Variants in HDAC8 observed in about 807,000 individuals in gnomAD.
The protein encoded by HDAC8 is histone deacetylase 8.
Under a neutral mutation model 32.2 loss-of-function variants are expected in HDAC8, and 1 was observed. The ratio of observed to expected loss-of-function variants is 0.03; its 90% CI spans 0.01 to 0.15. HDAC8 has a LOEUF of 0.15. HDAC8 is among the 10% of genes least tolerant of loss of function. The probability of loss-of-function intolerance (pLI) is 1.00; values close to 1 mark genes in which losing one functional copy is unlikely to be tolerated. For missense variants in HDAC8, 117 were observed against 300.0 expected, an observed-to-expected ratio of 0.39 and a Z score of 4.51; for synonymous variants, 108 against 113.9, an observed-to-expected ratio of 0.95 and a Z score of 0.33.
intron 6 of HDAC8, 135 bp from the exon 7 acceptor site, chrX:72,489,176 A>G: frequency 2.1e-6 from 1 of 478,476 alleles, no homozygotes. Flanking sequence ...ATTGTAAACA[A>G]TCTTGGAGAA....
At chrX:72,475,088 G>A in intron 7 of HDAC8, among the ~76,000 whole-genome samples, 1 of 110,960 alleles carries the variant, frequency 9.0e-6, no homozygotes, top group Non-Finnish European at 1.9e-5. Flanking sequence ...GCTCCCAGAA[G>A]GTTTAGTCTC....
intron 9 of HDAC8, among the ~76,000 whole-genome samples, chrX:72,353,999 C>G (rs948604650): frequency 8.9e-6 from 1 of 111,984 alleles, no homozygotes; most frequent in South Asian, 3.7e-4. Context: ...CTATTATGCA[C>G]TTACCCTCAC....
At chrX:72,345,974 C>T (rs1322138068) in intron 10 of HDAC8, among the ~76,000 whole-genome samples, 1 of 111,922 alleles carries the variant, frequency 8.9e-6, no homozygotes, top group African/African-American at 3.2e-5. Context: ...CGAGCCATGG[C>T]GCCCGGCCCA....
At chrX:72,491,172 C>T (rs1556009462) in intron 5 of HDAC8, among the ~76,000 whole-genome samples, 166 bp from the exon 6 acceptor site, 1 of 111,863 alleles carries the variant, frequency 8.9e-6, no homozygotes, top group African/African-American at 3.2e-5. Flanking sequence ...GGTCTCTAAT[C>T]TCGTAATTAC....
intron 4 of HDAC8, among the ~76,000 whole-genome samples, chrX:72,497,401 A>AT (rs2049061746): frequency 9.0e-6 from 1 of 111,711 alleles, no homozygotes; most frequent in Admixed American, 9.5e-5. Context: ...AACGTTCAAG[A>AT]TTTTCAATAT....
At chrX:72,459,479 TG>T (rs1432570575) in intron 9 of HDAC8, among the ~76,000 whole-genome samples, 1 of 109,932 alleles carries the variant, frequency 9.1e-6, no homozygotes, top group Non-Finnish European at 1.9e-5. Context: ...GCGAAGAGAG[TG>T]AGGTCAGCCC....
intron 9 of HDAC8, among the ~76,000 whole-genome samples, chrX:72,396,165 A>T: frequency 8.9e-6 from 1 of 112,160 alleles, no homozygotes; most frequent in African/African-American, 3.2e-5. Context: ...CCACCCTCTC[A>T]CTTCCCACCT....
intron 10 of HDAC8, among the ~76,000 whole-genome samples, chrX:72,347,771 C>G (rs3788789): frequency 0.048 from 5,348 of 111,944 alleles, 247 homozygotes; most frequent in East Asian, 0.18. Context: ...AGCAAATGAA[C>G]ATGGTGCAAG....
chrX:72,410,515 G>C (rs2046161293), intron 9 of HDAC8, among the ~76,000 whole-genome samples: 1 of 111,841 alleles, frequency 8.9e-6, no homozygotes, highest in Admixed American at 9.4e-5. Context: ...ATCAGTGGTT[G>C]GGAAATCAGC....
chrX:72,336,979 G>A (rs1297874374), intron 10 of HDAC8, among the ~76,000 whole-genome samples: 1 of 111,323 alleles, frequency 9.0e-6, no homozygotes, highest in Non-Finnish European at 1.9e-5. Context: ...CAAACTCCTG[G>A]ACTCAATCGA....
At chrX:72,330,642 T>C (rs1005370581) in intron 10 of HDAC8, among the ~76,000 whole-genome samples, 1 of 110,993 alleles carries the variant, frequency 9.0e-6, no homozygotes, top group Non-Finnish European at 1.9e-5. Context: ...GGAAAAGTGA[T>C]CATTTGAAAT....
intron 9 of HDAC8, among the ~76,000 whole-genome samples, chrX:72,417,054 C>G (rs1229934364): frequency 9.0e-6 from 1 of 111,143 alleles, no homozygotes; most frequent in African/African-American, 3.3e-5. Context: ...TTTAAGTGTA[C>G]AATTCAGTGA....
chrX:72,419,049 G>A (rs946820416), intron 9 of HDAC8, among the ~76,000 whole-genome samples: 5 of 111,545 alleles, frequency 4.5e-5, no homozygotes, highest in African/African-American at 1.3e-4. Flanking sequence ...TTTGTATTAC[G>A]TTTTGAAATT....
intron 4 of HDAC8, among the ~76,000 whole-genome samples, chrX:72,521,699 TTTTCTCTCTA>T (rs1556028838): frequency 9.0e-6 from 1 of 111,703 alleles, no homozygotes; most frequent in African/African-American, 3.3e-5. Context: ...ATAATTCTTC[TTTTCTCTCTA>T]TCTGTCTCTG....
At chrX:72,450,135 G>A (rs1432127637) in intron 9 of HDAC8, among the ~76,000 whole-genome samples, 2 of 111,854 alleles carry the variant, frequency 1.8e-5, no homozygotes, top group Non-Finnish European at 3.8e-5. Context: ...TTATCCTGAG[G>A]GCAAAATCCA....
chrX:72,425,229 A>G (rs1852376885), intron 9 of HDAC8, among the ~76,000 whole-genome samples: 1 of 112,286 alleles, frequency 8.9e-6, no homozygotes, highest in South Asian at 3.7e-4. Flanking sequence ...CCATTTTTTA[A>G]TAATAGACAA....
At chrX:72,349,844 T>C (rs1399031113) in intron 10 of HDAC8, among the ~76,000 whole-genome samples, 1 of 111,604 alleles carries the variant, frequency 9.0e-6, no homozygotes, top group Non-Finnish European at 1.9e-5. Context: ...TCTGCACATA[T>C]GGAGGTGTGA....
chrX:72,504,756 A>C (rs1332635182), intron 4 of HDAC8, among the ~76,000 whole-genome samples: 1 of 112,138 alleles, frequency 8.9e-6, no homozygotes, highest in Non-Finnish European at 1.9e-5. Context: ...TCTATGTTTA[A>C]CTTTTGAGGA....
At chrX:72,471,300 T>C (rs944466716) in intron 7 of HDAC8, among the ~76,000 whole-genome samples, 4 of 112,547 alleles carry the variant, frequency 3.6e-5, no homozygotes, top group Non-Finnish European at 7.5e-5. Context: ...ACTACAGATA[T>C]ACATGTACAA....
Sources: allele counts gnomAD v4.1 joint callset (sites outside exome capture counted in the v4.1 genomes callset), GRCh38; gene constraint gnomAD v4.1.1; transcripts MANE v1.5; gene names NCBI Gene and HGNC (gene_info 2026-07-23, HGNC 2026-07-21).